The following ABAT variants were observed in gnomAD, a reference collection of about 807,000 sequenced individuals.
The protein encoded by ABAT is 4-aminobutyrate aminotransferase, mitochondrial.
A neutral mutation model predicts 64.6 loss-of-function variants in ABAT; 45 were observed. The observed-to-expected ratio is 0.70, with a 90% CI of 0.55 to 0.89. The LOEUF (loss-of-function observed/expected upper bound fraction) is 0.89. ABAT is among the 40% of genes least tolerant of loss of function. ABAT has a pLI of 0.00. For missense variants in ABAT, 633 were observed against 658.4 expected, an observed-to-expected ratio of 0.96 and a Z score of 0.42; for synonymous variants, 297 against 250.5, an observed-to-expected ratio of 1.19 and a Z score of -1.75.
chr16:8,766,024 C>G, intron 8 of ABAT, 184 bp from the exon 9 acceptor site: 1 of 615,862 alleles, frequency 1.6e-6, no homozygotes, highest in South Asian at 1.8e-5. Flanking sequence ...GTGTTAGTTT[C>G]TTTTGTTGCG....
At chr16:8,699,487 A>G (rs71377181) in intron 1 of ABAT, among the ~76,000 whole-genome samples, 2 of 152,040 alleles carry the variant, frequency 1.3e-5, no homozygotes, top group African/African-American at 4.8e-5. Flanking sequence ...GAACCTGGGA[A>G]TCAGAGGTTG....
chr16:8,731,012 G>A (rs1055854678), intron 1 of ABAT, among the ~76,000 whole-genome samples: 1 of 152,154 alleles, frequency 6.6e-6, no homozygotes, highest in Non-Finnish European at 1.5e-5. Flanking sequence ...ACCCAGACTG[G>A]AGTGCGGTGG....
At chr16:8,732,352 G>C (rs1640994) in intron 1 of ABAT, among the ~76,000 whole-genome samples, 104,103 of 149,832 alleles carry the variant, frequency 0.69, 37,788 homozygotes, top group Non-Finnish European at 0.79. Flanking sequence ...GGTTTTCCTA[G>C]GCAGAGGACC....
In ABAT at chr16:8,748,108, G is replaced by A; in HGVS notation, c.169G>A (p.Glu57Lys). Residue 57 changes from glutamate to lysine, a missense_variant and splice_region_variant, in exon 4 of 16, where the codon GAG becomes AAG. Transcript: ENST00000268251. ...KTEVPGPRSQ[E>K]LMKQLNIIQN... ...ATGCTTTTGTTGTTCTTGCCTGCAGGAGTTAATGAAACAGCTGAATATAAT... is the reference window on the plus strand; with the variant it reads ...ATGCTTTTGTTGTTCTTGCCTGCAGAAGTTAATGAAACAGCTGAATATAAT... The A allele has an allele frequency of 6.2e-7, 1 of 1,613,550 alleles. No individual in the cohort carries two copies. The highest frequency in any genetic ancestry group is 1.1e-5 in the South Asian group (1 of 91,072).
chr16:8,724,977 C>T (rs746933978), intron 1 of ABAT, among the ~76,000 whole-genome samples: 15 of 150,252 alleles, frequency 1.0e-4, no homozygotes, highest in Non-Finnish European at 2.1e-4. Context: ...AGTGCAGTGG[C>T]GCCATCTCGG....
intron 1 of ABAT, among the ~76,000 whole-genome samples, chr16:8,676,172 G>A (rs57901990): frequency 0.071 from 10,733 of 152,088 alleles, 543 homozygotes; most frequent in Admixed American, 0.13. Flanking sequence ...GTGTTTTCTC[G>A]AGGCCCAAAG....
chr16:8,704,586 T>A (rs1050195647), intron 1 of ABAT, among the ~76,000 whole-genome samples: 1 of 151,710 alleles, frequency 6.6e-6, no homozygotes, highest in East Asian at 1.9e-4. Flanking sequence ...AGAAAACACA[T>A]GTCTTTCCAG....
chr16:8,731,869 C>T (rs1246345561), intron 1 of ABAT, among the ~76,000 whole-genome samples: 2 of 151,812 alleles, frequency 1.3e-5, no homozygotes, highest in Non-Finnish European at 2.9e-5. Flanking sequence ...TTTTTTCCTC[C>T]TTGAAACAGA....
At chr16:8,735,470 T>A (rs2058893569) in intron 1 of ABAT, among the ~76,000 whole-genome samples, 1 of 152,132 alleles carries the variant, frequency 6.6e-6, no homozygotes. Flanking sequence ...CAGACTAGTC[T>A]GGAACTCCTG....
At chr16:8,751,760 G>A (rs1596455331) in intron 5 of ABAT, among the ~76,000 whole-genome samples, 1 of 152,276 alleles carries the variant, frequency 6.6e-6, no homozygotes, top group Non-Finnish European at 1.5e-5. Flanking sequence ...ACGGTGACCT[G>A]CCCAGTAAAA....
intron 1 of ABAT, among the ~76,000 whole-genome samples, chr16:8,727,208 G>C (rs937302532): frequency 6.6e-6 from 1 of 152,100 alleles, no homozygotes; most frequent in African/African-American, 2.4e-5. Flanking sequence ...AACTAGAGCA[G>C]CTGGGCTCCC....
chr16:8,777,959 G>GAAAC (rs201871884), intron 14 of ABAT, among the ~76,000 whole-genome samples: 44 of 152,142 alleles, frequency 2.9e-4, no homozygotes, highest in African/African-American at 1.0e-3. Context: ...TCCACAAAAA[G>GAAAC]AAACAAATTG....
Position 8,764,440 on chromosome 16 carries a change from GC to G in ABAT, c.447+293del. Among the ~76,000 whole-genome samples, 1 of 152,178 alleles carries G rather than the reference GC, an allele frequency of 6.6e-6. No homozygotes were observed. Among genetic ancestry groups the G allele is most frequent in the Admixed American group, 6.5e-5 (1 of 15,274 alleles). On this transcript the variant is annotated intron_variant, in intron 7 of 15. Coordinates refer to ENST00000268251, the MANE Select transcript of ABAT (RefSeq NM_020686.6). This position sits in a 1 kb window ranked among gnomAD's most constrained non-coding sequence, Gnocchi z 4.2. ...GTTTTAGTTACTACAAACGATTAAA[GC>G]CATTGGGAGCCTCAACGTCCCGCCT...
intron 1 of ABAT, among the ~76,000 whole-genome samples, chr16:8,717,960 T>C (rs571972135): frequency 6.6e-6 from 1 of 152,234 alleles, no homozygotes; most frequent in South Asian, 2.1e-4. Flanking sequence ...CTCTTCTCCA[T>C]GAGGTGAGCT....
intron 1 of ABAT, among the ~76,000 whole-genome samples, chr16:8,678,113 C>T (rs2057247200): frequency 6.6e-6 from 1 of 152,164 alleles, no homozygotes; most frequent in African/African-American, 2.4e-5. Flanking sequence ...ACAAGCTCCT[C>T]GTTTTGGTTT....
chr16:8,705,519 G>C (rs7199025), intron 1 of ABAT: 1 of 152,178 alleles, frequency 6.6e-6, no homozygotes, highest in Non-Finnish European at 1.5e-5. Flanking sequence ...ATAACACTGA[G>C]TTGGGATTTC....
rs1336181927 is a variant in ABAT at position 8,783,729 on chromosome 16, C to T, written c.*2299C>T. The T allele has an allele frequency of 1.3e-5, 2 of 152,120 alleles. No homozygotes were observed. Among genetic ancestry groups the T allele is most frequent in the African/African-American group, 4.8e-5 (2 of 41,438 alleles). The allele number at this position is 152,120 out of a possible 1,614,324, so 9.4% of individuals were successfully genotyped here. A position where few individuals can be genotyped will look rare whatever the true frequency, so the allele number is the denominator to read the frequency against. On this transcript the variant is annotated 3_prime_UTR_variant, in exon 16 of 16. Transcript: ENST00000268251. ...GGGTGCAAATATTCAGTATGGTTCT[C>T]GGAGTCCAAAGGGTTTTAAGCCAGG...
At chr16:8,743,672 T>A (rs1225149604) in intron 2 of ABAT, among the ~76,000 whole-genome samples, 1 of 53,972 alleles carries the variant, frequency 1.9e-5, no homozygotes, top group African/African-American at 6.0e-5. Context: ...TTATAATATG[T>A]TATATATTTT....
At chr16:8,675,709 A>T (rs904323439) in intron 1 of ABAT, among the ~76,000 whole-genome samples, 2 of 152,170 alleles carry the variant, frequency 1.3e-5, no homozygotes, top group Non-Finnish European at 2.9e-5. Flanking sequence ...TCAAACTCTG[A>T]CAACAGAGAT....
Sources: allele counts gnomAD v4.1 joint callset (sites outside exome capture counted in the v4.1 genomes callset), GRCh38; gene constraint gnomAD v4.1.1; non-coding constraint Gnocchi (gnomAD v3.1); transcripts MANE v1.5; gene names NCBI Gene and HGNC (gene_info 2026-07-23, HGNC 2026-07-21).